Variants in DMD observed in about 807,000 individuals in gnomAD.
DMD encodes dystrophin.
DMD carries 63 observed loss-of-function variants against 330.1 expected under a neutral mutation model. That is an observed-to-expected ratio of 0.19 (90% CI 0.16 to 0.24). DMD has a LOEUF of 0.24. Among genes scored for constraint, DMD ranks in the 10% least tolerant of loss-of-function variants. The probability of loss-of-function intolerance (pLI) is 1.00; values close to 1 mark genes in which losing one functional copy is unlikely to be tolerated. For missense variants in DMD, 3,344 were observed against 2,684.1 expected (o/e 1.25, Z -5.43); for synonymous variants, 1,223 against 959.8 (o/e 1.27, Z -5.07).
intron 7 of DMD, among the ~76,000 whole-genome samples, chrX:32,762,666 A>T (rs1170052262): frequency 2.7e-5 from 3 of 110,178 alleles, no homozygotes; most frequent in African/African-American, 9.9e-5. Context: ...GAGGGAGAAG[A>T]AGTATGTTCT....
At chrX:32,553,899 C>G (rs1240413477) in intron 16 of DMD, among the ~76,000 whole-genome samples, 1 of 111,336 alleles carries the variant, frequency 9.0e-6, no homozygotes, top group African/African-American at 3.3e-5. Flanking sequence ...GTGTGGCAAC[C>G]CTTGCCAGAT....
chrX:32,539,174 T>TTTC (rs1370286000), intron 17 of DMD, among the ~76,000 whole-genome samples: 1 of 47,810 alleles, frequency 2.1e-5, no homozygotes, highest in African/African-American at 6.6e-5. Context: ...TTCTATTTCT[T>TTTC]TTTTTTTTTT....
intron 59 of DMD, among the ~76,000 whole-genome samples, chrX:31,449,398 T>C (rs2065522090): frequency 9.0e-6 from 1 of 111,302 alleles, no homozygotes; most frequent in Non-Finnish European, 1.9e-5. Context: ...AGAACCAATC[T>C]GCCTGACTTT....
chrX:33,287,413 T>A (rs1472391768), intron 1 of DMD, among the ~76,000 whole-genome samples: 1 of 110,465 alleles, frequency 9.1e-6, no homozygotes, highest in East Asian at 2.9e-4. Context: ...CTGCAGACAT[T>A]GTCAAATGTC....
At chrX:32,323,005 C>G (rs2097627328) in intron 41 of DMD, among the ~76,000 whole-genome samples, 1 of 112,186 alleles carries the variant, frequency 8.9e-6, no homozygotes, top group African/African-American at 3.2e-5. Context: ...ACAGTTGGCC[C>G]TCTGTATCCA....
At chrX:31,955,451 T>C (rs1265312399) in intron 45 of DMD, among the ~76,000 whole-genome samples, 8 of 112,132 alleles carry the variant, frequency 7.1e-5, no homozygotes, top group African/African-American at 2.6e-4. Flanking sequence ...TCTATAACTT[T>C]GGTTAGCCTT....
intron 7 of DMD, among the ~76,000 whole-genome samples, chrX:32,783,057 C>A (rs2074961063): frequency 1.0e-5 from 1 of 96,346 alleles, no homozygotes; most frequent in Non-Finnish European, 2.0e-5. Context: ...CACACATATA[C>A]ATATATGGTG....
chrX:31,885,827 A>C (rs2149730759), intron 47 of DMD, among the ~76,000 whole-genome samples: 1 of 110,567 alleles, frequency 9.0e-6, no homozygotes, highest in African/African-American at 3.3e-5. Flanking sequence ...AATGAATATT[A>C]ATATGAATAT....
intron 44 of DMD, among the ~76,000 whole-genome samples, chrX:32,054,104 A>T (rs988540621): frequency 8.7e-4 from 89 of 102,517 alleles, no homozygotes; most frequent in Non-Finnish European, 1.1e-3. Context: ...AGAGAGAGAG[A>T]GAGAGAGAGA....
intron 40 of DMD, 92 bp downstream of exon 40, chrX:32,343,042 G>A: frequency 1.1e-6 from 1 of 941,757 alleles, no homozygotes; most frequent in Non-Finnish European, 1.5e-6. Flanking sequence ...AACGTTAATA[G>A]AAACAAGAAC....
intron 61 of DMD, among the ~76,000 whole-genome samples, chrX:31,343,437 G>C (rs1047905296): frequency 3.6e-5 from 4 of 111,345 alleles, no homozygotes; most frequent in African/African-American, 1.3e-4. Flanking sequence ...TTAGATCTAA[G>C]ATAAAAGAAA....
intron 62 of DMD, among the ~76,000 whole-genome samples, chrX:31,270,313 T>A (rs2051529045): frequency 9.1e-6 from 1 of 110,476 alleles, no homozygotes; most frequent in Non-Finnish European, 1.9e-5. Context: ...CTGAGACCCA[T>A]CCAGCCAAAG....
At chrX:33,246,472 T>G (rs1459433317) in intron 1 of DMD, among the ~76,000 whole-genome samples, 1 of 111,610 alleles carries the variant, frequency 9.0e-6, no homozygotes, top group African/African-American at 3.3e-5. Context: ...CCAAGAGTCT[T>G]TGATATTATC....
intron 43 of DMD, among the ~76,000 whole-genome samples, chrX:32,259,961 G>A (rs1028715423): frequency 9.0e-6 from 1 of 111,569 alleles, no homozygotes; most frequent in African/African-American, 3.3e-5. Context: ...TAGCATCTGA[G>A]CAGGGCATGG....
chrX:31,763,150 A>C (rs1481138216), intron 51 of DMD, among the ~76,000 whole-genome samples: 3 of 113,009 alleles, frequency 2.7e-5, no homozygotes, highest in Non-Finnish European at 5.6e-5. Flanking sequence ...ACAATCTAAA[A>C]AGTCAAATGA....
chrX:32,715,724 C>T (rs552482405), intron 7 of DMD, among the ~76,000 whole-genome samples: 10 of 110,114 alleles, frequency 9.1e-5, no homozygotes, highest in East Asian at 5.8e-4. Context: ...TCACTTGAAC[C>T]GGGGAGGTGG....
intron 37 of DMD, among the ~76,000 whole-genome samples, chrX:32,360,315 G>A (rs1335735209): frequency 9.0e-6 from 1 of 111,710 alleles, no homozygotes; most frequent in East Asian, 2.8e-4. Flanking sequence ...GAATATATAA[G>A]CAAAGTGTCA....
At chrX:31,845,555 G>T (rs184957382) in intron 48 of DMD, among the ~76,000 whole-genome samples, 43 of 110,404 alleles carry the variant, frequency 3.9e-4, no homozygotes, top group Non-Finnish European at 7.4e-4. Context: ...GCAGATTGGA[G>T]GCAAGATTTT....
chrX:32,824,146 C>A (rs971269170), intron 4 of DMD, among the ~76,000 whole-genome samples: 2 of 111,704 alleles, frequency 1.8e-5, no homozygotes, highest in African/African-American at 3.3e-5. Context: ...ATGACTCAAC[C>A]CCTGCTAGTG....
Sources: gnomAD v4.1 joint callset for allele counts (sites outside exome capture counted in the v4.1 genomes callset) on GRCh38, gnomAD v4.1.1 for gene constraint, MANE v1.5 for transcripts, NCBI Gene and HGNC (gene_info 2026-07-23, HGNC 2026-07-21) for gene names.